Variants in RNF128 observed in about 807,000 individuals in gnomAD.
The protein encoded by RNF128 is ring finger protein 128, also known as E3 ubiquitin-protein ligase RNF128.
Under a neutral mutation model 26.2 loss-of-function variants are expected in RNF128, and 13 were observed. The ratio of observed to expected loss-of-function variants is 0.50; its 90% confidence interval spans 0.32 to 0.79. The LOEUF (loss-of-function observed/expected upper bound fraction) is 0.79, where lower values mean the gene tolerates loss of function less well. Ranked by LOEUF, RNF128 falls within the 30% of genes least tolerant of loss-of-function variation. The pLI, the probability that RNF128 is intolerant of heterozygous loss-of-function variation, is 0.03. For synonymous variants in RNF128, 149 were observed against 142.5 expected, an observed-to-expected ratio of 1.05 and a Z score of -0.32; for missense variants, 315 against 349.7, an observed-to-expected ratio of 0.90 and a Z score of 0.79.
intron 1 of RNF128, among the ~76,000 whole-genome samples, chrX:106,760,942 G>A (rs868637708): frequency 2.6e-4 from 29 of 111,872 alleles, no homozygotes; most frequent in African/African-American, 9.4e-4. Context: ...AAATTAAAAA[G>A]CTTTTGCATA....
chrX:106,778,829 C>T (rs1213158695), intron 2 of RNF128, among the ~76,000 whole-genome samples: 1 of 112,001 alleles, frequency 8.9e-6, no homozygotes. Context: ...ATCTGTCCTT[C>T]AACTTAAAGC....
chrX:106,783,494 G>A (rs1930599269), intron 2 of RNF128, among the ~76,000 whole-genome samples: 1 of 110,992 alleles, frequency 9.0e-6, no homozygotes, highest in South Asian at 3.9e-4. Context: ...TGTCAGCTGG[G>A]GACGGGGGTA....
rs1029166771 is a variant in RNF128 at position 106,789,770 on chromosome X, C to G, written c.888-416C>G. ...TTAGCTATTTAATACAATAGTGATG[C>G]TCTTGGAACATATCACATTGCCTAA... On this transcript the variant is annotated intron_variant, in intron 4 of 6. Coordinates refer to ENST00000255499, the MANE Select transcript of RNF128 (RefSeq NM_194463.2). Among the ~76,000 whole-genome samples, 14 of 108,816 alleles carry G rather than the reference C, an allele frequency of 1.3e-4. No homozygotes were observed. The Admixed American group carries it at 1.4e-3, about 11-fold the overall frequency. The allele number at this position is 108,816 out of a possible 115,157, so 94.5% of individuals were successfully genotyped here.
chrX:106,699,685 C>A (rs1928924467), intron 1 of RNF128, among the ~76,000 whole-genome samples: 1 of 112,074 alleles, frequency 8.9e-6, no homozygotes, highest in Non-Finnish European at 1.9e-5. Flanking sequence ...TTTTATCAGG[C>A]CTAAAAGGAG....
chrX:106,765,566 A>G (rs1335793988), intron 1 of RNF128, among the ~76,000 whole-genome samples: 1 of 111,794 alleles, frequency 8.9e-6, no homozygotes, highest in East Asian at 2.8e-4. Context: ...CTCTGGCAAA[A>G]TTACCTCCAG....
chrX:106,766,330 C>G (rs965845716), intron 1 of RNF128, among the ~76,000 whole-genome samples: 2 of 112,024 alleles, frequency 1.8e-5, no homozygotes, highest in Non-Finnish European at 1.9e-5. Flanking sequence ...ACACTCCCAC[C>G]AACAGTTAAA....
chrX:106,725,157 G>A (rs995338329), upstream of RNF128, among the ~76,000 whole-genome samples: 2 of 111,464 alleles, frequency 1.8e-5, no homozygotes, highest in Non-Finnish European at 3.8e-5. Context: ...GAGGTGGTTG[G>A]TCCTACCCAT....
chrX:106,792,898 A>G (rs889278233), intron 6 of RNF128, among the ~76,000 whole-genome samples: 5 of 112,019 alleles, frequency 4.5e-5, no homozygotes, highest in African/African-American at 1.3e-4. Context: ...ATTACCACTT[A>G]AACCAGATTT....
chrX:106,785,084 C>A lies in RNF128; in HGVS notation c.752C>A (p.Ala251Asp). 8.5e-7 allele frequency: 1 copy of A among 1,183,029 alleles called. No homozygotes were observed. Among genetic ancestry groups the A allele is most frequent in the Non-Finnish European group, 1.1e-6 (1 of 884,704 alleles). ...SRKQRQLKAD[A>D]KKAIGRLQLR... The stretch of plus-strand genomic sequence containing the variant: ...TTACAGAGGCAATTAAAGGCAGATG[C>A]TAAAAAAGCTATTGGAAGGCTTCAA... Residue 251 changes from alanine (A) to aspartate (D), a missense_variant, in exon 3 of 7, where the codon GCT becomes GAT. Ala to Asp is a moderately radical substitution (Grantham distance 126). Coordinates refer to ENST00000255499, the MANE Select transcript of RNF128 (RefSeq NM_194463.2).
In RNF128 at chrX:106,795,663, G is replaced by A; in HGVS notation, c.1237G>A (p.Glu413Lys). ...TCATGTTGACAACCCAACCTTTGAA[G>A]AAGACGAAACTCCTAATCAAGAGAC... ...IPHVDNPTFEEDETPNQETAV... is the reference protein window; with the variant it reads ...IPHVDNPTFEKDETPNQETAV... Residue 413 changes from glutamate to lysine, a missense_variant, in exon 7 of 7, where the codon GAA becomes AAA. By Grantham distance (56) the Glu-to-Lys change is moderately conservative (BLOSUM62 1). Transcript: ENST00000255499. 5 of 1,201,657 alleles carry A rather than the reference G, an allele frequency of 4.2e-6. No individual in the cohort carries two copies. Among genetic ancestry groups the A allele is most frequent in the Admixed American group, 2.2e-5 (1 of 45,230 alleles).
intron 1 of RNF128, among the ~76,000 whole-genome samples, chrX:106,766,855 T>C (rs1169987057): frequency 1.8e-4 from 20 of 111,765 alleles, no homozygotes; most frequent in Admixed American, 3.8e-4. Context: ...TTAGGTCTAA[T>C]ATTTAGGTCT....
intron 2 of RNF128, among the ~76,000 whole-genome samples, chrX:106,773,613 G>A (rs1380100553): frequency 9.0e-6 from 1 of 111,126 alleles, no homozygotes; most frequent in Non-Finnish European, 1.9e-5. Flanking sequence ...TTGCATGTGG[G>A]GATGGGGCTG....
chrX:106,725,029 GA>G (rs1929370867), upstream of RNF128, among the ~76,000 whole-genome samples: 1 of 111,910 alleles, frequency 8.9e-6, no homozygotes, highest in African/African-American at 3.2e-5. Context: ...TCTTTCTTCT[GA>G]ACACATTGTT....
At chrX:106,699,429 T>C (rs1350391123) in intron 1 of RNF128, among the ~76,000 whole-genome samples, 2 of 111,965 alleles carry the variant, frequency 1.8e-5, no homozygotes, top group Non-Finnish European at 3.8e-5. Context: ...CATTTTTTTT[T>C]CACATAACAC....
chrX:106,767,675 C>A (rs1486526878), intron 1 of RNF128, among the ~76,000 whole-genome samples: 1 of 111,592 alleles, frequency 9.0e-6, no homozygotes, highest in Non-Finnish European at 1.9e-5. Context: ...GACAATTTGA[C>A]TTCCTCTTTT....
chrX:106,776,865 G>A (rs1930473773), intron 2 of RNF128, among the ~76,000 whole-genome samples: 1 of 111,536 alleles, frequency 9.0e-6, no homozygotes, highest in Non-Finnish European at 1.9e-5. Flanking sequence ...GCTGTACAAA[G>A]TTAACAGGAA....
chrX:106,734,912 G>A (rs1377802676), intron 1 of RNF128, among the ~76,000 whole-genome samples: 3 of 111,855 alleles, frequency 2.7e-5, no homozygotes, highest in African/African-American at 6.5e-5. Context: ...GCTACATACC[G>A]TAGGGAGTTA....
At chrX:106,709,640 G>A (rs958553485) in intron 1 of RNF128, among the ~76,000 whole-genome samples, 4 of 110,707 alleles carry the variant, frequency 3.6e-5, no homozygotes, top group African/African-American at 6.6e-5. Flanking sequence ...TCTGCCTCCC[G>A]GGTTCAAGAA....
chrX:106,762,439 G>A (rs1456766526), intron 1 of RNF128, among the ~76,000 whole-genome samples: 2 of 109,144 alleles, frequency 1.8e-5, no homozygotes, highest in South Asian at 4.1e-4. Flanking sequence ...TCAGCCTCCC[G>A]AGTAGCTGGG....
Sources: allele counts gnomAD v4.1 joint callset (sites outside exome capture counted in the v4.1 genomes callset), GRCh38; gene constraint gnomAD v4.1.1; transcripts MANE v1.5; gene names NCBI Gene and HGNC (gene_info 2026-07-23, HGNC 2026-07-21).